Variants in KCNG2 observed in about 807,000 individuals in gnomAD.
The protein encoded by KCNG2 is potassium voltage-gated channel modifier subfamily G member 2.
KCNG2 carries 7 observed loss-of-function variants against 12.3 expected under a neutral mutation model. That is an observed-to-expected ratio of 0.57 (90% CI 0.32 to 1.07). The LOEUF (loss-of-function observed/expected upper bound fraction) is 1.07, where lower values mean the gene tolerates loss of function less well. Ranked by LOEUF, KCNG2 falls within the 50% of genes least tolerant of loss-of-function variation. KCNG2 has a pLI of 0.04. For missense variants in KCNG2, 703 were observed against 726.0 expected, an observed-to-expected ratio of 0.97 and a Z score of 0.36; for synonymous variants, 414 against 351.4, an observed-to-expected ratio of 1.18 and a Z score of -1.99.
At chr18:79,893,035 A>C (rs1232620589) in intron 3 of KCNG2, among the ~76,000 whole-genome samples, 1 of 150,884 alleles carries the variant, frequency 6.6e-6, no homozygotes, top group Non-Finnish European at 1.5e-5. Context: ...GTTACAATTG[A>C]TATAGTTGGG....
chr18:79,895,194 A>G (rs1481697710), intron 3 of KCNG2, among the ~76,000 whole-genome samples: 1 of 151,174 alleles, frequency 6.6e-6, no homozygotes, highest in Non-Finnish European at 1.5e-5. Flanking sequence ...CACTCCATTC[A>G]TAACGATTTA....
At chr18:79,849,874 A>G (rs748771589) in intron 1 of KCNG2, among the ~76,000 whole-genome samples, 73 of 149,810 alleles carry the variant, frequency 4.9e-4, no homozygotes, top group Non-Finnish European at 7.9e-4. Flanking sequence ...CCGAGACTCC[A>G]CCCAGGCTGA....
intron 1 of KCNG2, chr18:79,816,443 T>C (rs989219103): frequency 7.2e-5 from 10 of 139,246 alleles, no homozygotes; most frequent in Admixed American, 7.3e-5. Flanking sequence ...TGGGTGGGGG[T>C]GGCACCCCAG....
chr18:79,827,044 G>T (rs1207067917), intron 1 of KCNG2, among the ~76,000 whole-genome samples: 1 of 152,238 alleles, frequency 6.6e-6, no homozygotes, highest in Non-Finnish European at 1.5e-5. Context: ...GCCTTGTGAG[G>T]ACGTGGCGTC....
At position 79,899,559 on chromosome 18, in the gene KCNG2, G is replaced by A; in HGVS notation, c.1144G>A (p.Gly382Arg). The A allele has an allele frequency of 1.9e-6, 3 of 1,601,502 alleles. No homozygotes were observed. The highest frequency in any genetic ancestry group is 1.1e-5 in the South Asian group (1 of 89,372). ...CGACATGGTCCCGCGCAGCCTGCCC[G>A]GGCAGGTGGTGGCGCTCAGCAGCAT... The part of the protein sequence containing the change: ...YGDMVPRSLP[G>R]QVVALSSILS... The change falls in exon 4 of 4, where the codon GGG (glycine) becomes AGG (arginine). Residue 382 changes from glycine to arginine, a missense_variant. Transcript: ENST00000316249.
rs143617660 is a variant in KCNG2, at chr18:79,817,285, C to T, written c.-115+19271C>T. Reference sequence around the variant, plus strand: ...CTGTCATACAGCTGTCACACGGCTGCCACTCACATGCCTGCCTCACGGCTG... The same window carrying T: ...CTGTCATACAGCTGTCACACGGCTGTCACTCACATGCCTGCCTCACGGCTG... On this transcript the variant is annotated intron_variant, in intron 1 of 3. Coordinates refer to ENST00000316249, the MANE Select transcript of KCNG2 (RefSeq NM_012283.2). Among the ~76,000 whole-genome samples the T allele has an allele frequency of 3.0e-3, 453 of 151,802 alleles. 1 individual carries two copies. Among genetic ancestry groups the T allele is most frequent in the African/African-American group, 9.8e-3 (405 of 41,402 alleles).
chr18:79,899,147 C>A lies in KCNG2; in HGVS notation c.732C>A (p.Cys244Ter). The change falls in exon 4 of 4, where the codon TGC becomes TGA. Residue 244 changes from cysteine (C) to a stop codon, truncating the protein, a stop_gained. Coordinates refer to ENST00000316249, the MANE Select transcript of KCNG2 (RefSeq NM_012283.2). LOFTEE classifies it low-confidence loss of function (END_TRUNC). ...LLRSLQAESKCAFLRAPLNII... is the reference protein window; with the variant it reads ...LLRSLQAESK Reference sequence around the variant, plus strand: ...GCTCCCTGCAGGCCGAGAGCAAGTGCGCCTTCCTGCGCGCGCCACTCAACA... The same window carrying A: ...GCTCCCTGCAGGCCGAGAGCAAGTGAGCCTTCCTGCGCGCGCCACTCAACA... 3.1e-6 allele frequency: 5 copies of A among 1,607,172 alleles called. No individual in the cohort carries two copies. Among genetic ancestry groups the A allele is most frequent in the Non-Finnish European group, 3.4e-6 (4 of 1,179,576 alleles).
At chr18:79,823,407 T>C (rs1000033736) in intron 1 of KCNG2, among the ~76,000 whole-genome samples, 2 of 152,136 alleles carry the variant, frequency 1.3e-5, no homozygotes, top group Non-Finnish European at 2.9e-5. Flanking sequence ...GCCACATTCC[T>C]CCCTCCTGAG....
chr18:79,829,817 A>T (rs1054155092), intron 1 of KCNG2, among the ~76,000 whole-genome samples: 3 of 152,186 alleles, frequency 2.0e-5, no homozygotes, highest in African/African-American at 7.2e-5. Flanking sequence ...CTTGTGTCTG[A>T]GCCTCCAGGT....
At chr18:79,882,949 C>T (rs1334451472) in intron 3 of KCNG2, among the ~76,000 whole-genome samples, 1 of 152,226 alleles carries the variant, frequency 6.6e-6, no homozygotes, top group African/African-American at 2.4e-5. Flanking sequence ...CGCACACCAG[C>T]GCCCACGCCC....
Position 79,858,998 on chromosome 18 carries a change from C to CT in KCNG2, c.-41+2555dup, listed in dbSNP as rs1358969072. On this transcript the variant is annotated intron_variant, in intron 2 of 3. Coordinates refer to ENST00000316249, the MANE Select transcript of KCNG2 (RefSeq NM_012283.2). ...CTTATCAGATACGGGACTTGCAGCTCTTTTTTTTTCCACCGTTACTTGTCA... is the reference window on the plus strand; with the variant it reads ...CTTATCAGATACGGGACTTGCAGCTCTTTTTTTTTTCCACCGTTACTTGTCA... Among the ~76,000 whole-genome samples the CT allele has an allele frequency of 6.0e-3, 914 of 151,744 alleles. 4 individuals are homozygous for CT. The highest frequency in any genetic ancestry group is 0.021 in the African/African-American group (861 of 41,386).
rs1979319362 is a variant in KCNG2, at chr18:79,863,717, G to A, written c.50G>A (p.Arg17Gln). 8 of 1,205,350 alleles carry A rather than the reference G, an allele frequency of 6.6e-6. No individual in the cohort carries two copies. The highest frequency in any genetic ancestry group is 8.8e-5 in the Admixed American group (2 of 22,672). The allele number at this position is 1,205,350 out of a possible 1,614,324, so 74.7% of individuals were successfully genotyped here. A position where few individuals can be genotyped will look rare whatever the true frequency, so the allele number is the denominator to read the frequency against. Residue 17 changes from arginine to glutamine, a missense_variant, in exon 3 of 4, where the codon CGG becomes CAG. Arg to Gln is a conservative substitution (Grantham distance 43). Transcript: ENST00000316249. ...SPGGGGGTRARHVIINVGGCR... is the reference protein window; with the variant it reads ...SPGGGGGTRAQHVIINVGGCR... ...GGCGGCGGCGGCGGGACCCGCGCCC[G>A]GCACGTCATCATCAACGTGGGCGGC... is the stretch of plus-strand genomic sequence containing the variant.
At chr18:79,817,560 C>T (rs1385748151) in intron 1 of KCNG2, among the ~76,000 whole-genome samples, 1 of 152,206 alleles carries the variant, frequency 6.6e-6, no homozygotes, top group African/African-American at 2.4e-5. Context: ...GTGGTTTGCA[C>T]ATGGTTTGCA....
rs1229698924 is a variant in KCNG2, at chr18:79,899,844, C to T, written c.*28C>T. On this transcript the variant is annotated 3_prime_UTR_variant, in exon 4 of 4. Coordinates refer to ENST00000316249, the MANE Select transcript of KCNG2 (RefSeq NM_012283.2). Reference sequence around the variant, plus strand: ...CCTGCGCCGCCCACACGGAGACCCCCTGCCCCCTCCAGCTGCAGCGTCGGG... The same window carrying T: ...CCTGCGCCGCCCACACGGAGACCCCTTGCCCCCTCCAGCTGCAGCGTCGGG... 1.5e-6 allele frequency: 2 copies of T among 1,317,312 alleles called. No individual in the cohort carries two copies. Among genetic ancestry groups the T allele is most frequent in the Non-Finnish European group, 1.9e-6 (2 of 1,037,404 alleles). The allele number at this position is 1,317,312 out of a possible 1,614,324, so 81.6% of individuals were successfully genotyped here.
intron 1 of KCNG2, among the ~76,000 whole-genome samples, chr18:79,855,654 T>C (rs1978983790): frequency 6.6e-6 from 1 of 151,980 alleles, no homozygotes; most frequent in Admixed American, 6.6e-5. Context: ...TGGTACTGGC[T>C]GGTGGGTTTC....
intron 1 of KCNG2, among the ~76,000 whole-genome samples, chr18:79,814,366 T>C (rs535796971): frequency 3.3e-5 from 5 of 152,238 alleles, no homozygotes; most frequent in Non-Finnish European, 7.3e-5. Context: ...CCACAGGTGA[T>C]AGTTCGACGA....
At position 79,822,145 on chromosome 18, in the gene KCNG2, G is replaced by C. The variant is rs2087575368; in HGVS notation, c.-115+24131G>C. Among the ~76,000 whole-genome samples the C allele has an allele frequency of 6.6e-6, 1 of 152,164 alleles. No individual in the cohort carries two copies. The highest frequency in any genetic ancestry group is 6.5e-5 in the Admixed American group (1 of 15,278). ...CCTGGGGTTTAAGCAGGAAATGTTA[G>C]ATTTTTAAAAGCTTTTTATTTGAAC... On this transcript the variant is annotated intron_variant, in intron 1 of 3. Coordinates refer to ENST00000316249, the MANE Select transcript of KCNG2 (RefSeq NM_012283.2). This position sits in a 1 kb window ranked among gnomAD's most constrained non-coding sequence, Gnocchi z 4.4.
chr18:79,804,387 G>T (rs1170370099), intron 1 of KCNG2, among the ~76,000 whole-genome samples: 2 of 152,222 alleles, frequency 1.3e-5, no homozygotes, highest in African/African-American at 4.8e-5. Context: ...GCTCCAGGGG[G>T]GACTCAGCAC....
At chr18:79,860,831 A>G (rs1447897973) in intron 2 of KCNG2, among the ~76,000 whole-genome samples, 2 of 152,182 alleles carry the variant, frequency 1.3e-5, no homozygotes, top group Admixed American at 6.5e-5. Flanking sequence ...TTTTCTGACT[A>G]TAATTTCCAG....
Sources: gnomAD v4.1 joint callset for allele counts (sites outside exome capture counted in the v4.1 genomes callset) on GRCh38, gnomAD v4.1.1 for gene constraint, Gnocchi (gnomAD v3.1) non-coding constraint, MANE v1.5 for transcripts, NCBI Gene and HGNC (gene_info 2026-07-23, HGNC 2026-07-21) for gene names.